ZBTB16: variants seen among roughly 807,000 people sequenced by gnomAD.
The protein encoded by ZBTB16 is zinc finger and BTB domain containing 16, also known as zinc finger and BTB domain-containing protein 16.
In ZBTB16, 8 loss-of-function variants were observed where a neutral mutation model predicts 56.8. The ratio of observed to expected loss-of-function variants is 0.14; its 90% confidence interval spans 0.08 to 0.25. ZBTB16 has a LOEUF of 0.25. Among genes scored for constraint, ZBTB16 ranks in the 10% least tolerant of loss-of-function variants. The probability of loss-of-function intolerance (pLI) is 1.00; values close to 1 mark genes in which losing one functional copy is unlikely to be tolerated. For synonymous variants in ZBTB16, 363 were observed against 368.5 expected (o/e 0.98, Z 0.17); for missense variants, 625 against 903.0 (o/e 0.69, Z 3.95).
At chr11:114,176,421 C>T (rs1368067736) in intron 3 of ZBTB16, among the ~76,000 whole-genome samples, 3 of 152,300 alleles carry the variant, frequency 2.0e-5, no homozygotes, top group East Asian at 1.9e-4. Context: ...CCCTGGAACT[C>T]GGGTCAGTCT....
intron 3 of ZBTB16, among the ~76,000 whole-genome samples, chr11:114,164,485 G>A (rs760529788): frequency 3.3e-4 from 51 of 152,244 alleles, no homozygotes; most frequent in Middle Eastern, 3.4e-3. Flanking sequence ...TCCTTCCTAC[G>A]TTCTGGGTTG....
At chr11:114,128,537 C>T (rs1189443597) in intron 2 of ZBTB16, among the ~76,000 whole-genome samples, 5 of 152,082 alleles carry the variant, frequency 3.3e-5, no homozygotes, top group African/African-American at 7.2e-5. Context: ...GTAAAAACTG[C>T]GACTAGCTCC....
rs1156734147 is a variant in ZBTB16 at position 114,253,778 on chromosome 11, G to A, written c.*3223G>A. Among the ~76,000 whole-genome samples, 1 of 152,202 alleles carries A rather than the reference G, an allele frequency of 6.6e-6. No individual in the cohort carries two copies. The highest frequency in any genetic ancestry group is 2.4e-5 in the African/African-American group (1 of 41,452). On this transcript the variant is annotated 3_prime_UTR_variant, in exon 7 of 7. Transcript: ENST00000335953. ...AGTTCTAATGTTGCACGGCCTAGTGGCCAGGGGGCAAGCTAAGAGGCTGTC... is the reference window on the plus strand; with the variant it reads ...AGTTCTAATGTTGCACGGCCTAGTGACCAGGGGGCAAGCTAAGAGGCTGTC...
chr11:114,150,153 G>T (rs577508147), intron 2 of ZBTB16, among the ~76,000 whole-genome samples: 84 of 152,302 alleles, frequency 5.5e-4, no homozygotes, highest in African/African-American at 2.0e-3. Flanking sequence ...AGCCTGGAAT[G>T]TGGTACTTTT....
At chr11:114,149,958 A>T (rs1044422652) in intron 2 of ZBTB16, among the ~76,000 whole-genome samples, 1 of 152,194 alleles carries the variant, frequency 6.6e-6, no homozygotes, top group African/African-American at 2.4e-5. Flanking sequence ...AGCTTCTCAT[A>T]TGTCTGTTCT....
chr11:114,103,895 G>C (rs1417486834), intron 2 of ZBTB16, among the ~76,000 whole-genome samples: 1 of 152,114 alleles, frequency 6.6e-6, no homozygotes, highest in Non-Finnish European at 1.5e-5. Flanking sequence ...TGTGGGTTTG[G>C]AGCCTGGGGA....
intron 4 of ZBTB16, among the ~76,000 whole-genome samples, chr11:114,210,192 T>C (rs7129772): frequency 0.095 from 13,550 of 143,314 alleles, 1,186 homozygotes; most frequent in African/African-American, 0.23. Context: ...TGTGTGTGTG[T>C]GCGTGCGCGC....
At chr11:114,226,917 A>G (rs1205781218) in intron 4 of ZBTB16, among the ~76,000 whole-genome samples, 2 of 152,144 alleles carry the variant, frequency 1.3e-5, no homozygotes, top group Admixed American at 1.3e-4. Flanking sequence ...TCCCTCCCCA[A>G]ATAGCAAGAA....
rs192397784 is a variant in ZBTB16 at position 114,114,701 on chromosome 11, G to A, written c.1269-41636G>A. On this transcript the variant is annotated intron_variant, in intron 2 of 6. Coordinates refer to ENST00000335953, the MANE Select transcript of ZBTB16 (RefSeq NM_006006.6). ...TTTTTTCTTTTTTTTTTTTTTTGAGGCAGGGTCTCGCTCTGTCACCCAGGC... is the reference window on the plus strand; with the variant it reads ...TTTTTTCTTTTTTTTTTTTTTTGAGACAGGGTCTCGCTCTGTCACCCAGGC... Among the ~76,000 whole-genome samples, 670 of 149,292 alleles carry A rather than the reference G, an allele frequency of 4.5e-3. 8 individuals are homozygous for A. The highest frequency in any genetic ancestry group is 0.016 in the African/African-American group (630 of 40,504).
intron 2 of ZBTB16, among the ~76,000 whole-genome samples, chr11:114,131,673 C>T (rs532579435): frequency 6.6e-6 from 1 of 152,144 alleles, no homozygotes; most frequent in African/African-American, 2.4e-5. Context: ...AGCTCCCCCC[C>T]TTTTTTTCAT....
At chr11:114,192,826 C>A (rs893434128) in intron 4 of ZBTB16, among the ~76,000 whole-genome samples, 1 of 152,226 alleles carries the variant, frequency 6.6e-6, no homozygotes, top group African/African-American at 2.4e-5. Flanking sequence ...GAGTTCTAAT[C>A]TGGGGGAATG....
At chr11:114,156,077 G>T (rs375587944) in intron 2 of ZBTB16, among the ~76,000 whole-genome samples, 2 of 152,198 alleles carry the variant, frequency 1.3e-5, no homozygotes, top group African/African-American at 2.4e-5. Flanking sequence ...AATTGGATCT[G>T]ATTTTTTTTC....
intron 2 of ZBTB16, among the ~76,000 whole-genome samples, chr11:114,133,588 T>C (rs2134868599): frequency 6.6e-6 from 1 of 152,276 alleles, no homozygotes; most frequent in South Asian, 2.1e-4. Context: ...CTGGTAAGAT[T>C]TCCCTCTCAG....
chr11:114,191,848 T>C (rs1943501436), intron 4 of ZBTB16, among the ~76,000 whole-genome samples: 1 of 152,176 alleles, frequency 6.6e-6, no homozygotes, highest in South Asian at 2.1e-4. Flanking sequence ...GATGTGCATT[T>C]ATAGGGAAGG....
chr11:114,241,568 C>T (rs1335067392), intron 4 of ZBTB16, among the ~76,000 whole-genome samples: 1 of 152,198 alleles, frequency 6.6e-6, no homozygotes. Context: ...CATCCCCCAA[C>T]CATACGTGGA....
intron 4 of ZBTB16, among the ~76,000 whole-genome samples, chr11:114,217,905 C>G (rs965308122): frequency 2.0e-5 from 3 of 152,142 alleles, no homozygotes; most frequent in African/African-American, 7.2e-5. Context: ...GGCGGATTCT[C>G]AAGGTATGGC....
At chr11:114,167,566 A>G (rs1414975714) in intron 3 of ZBTB16, among the ~76,000 whole-genome samples, 1 of 151,868 alleles carries the variant, frequency 6.6e-6, no homozygotes, top group African/African-American at 2.4e-5. Context: ...TAGTAAAGCA[A>G]CCACAATGCA....
intron 2 of ZBTB16, among the ~76,000 whole-genome samples, chr11:114,066,795 G>A (rs1020496152): frequency 2.5e-5 from 3 of 121,338 alleles, no homozygotes; most frequent in Non-Finnish European, 4.8e-5. Flanking sequence ...TTTTTGAGAC[G>A]GAGTCTCGCT....
At chr11:114,116,492 G>A (rs1165357927) in intron 2 of ZBTB16, among the ~76,000 whole-genome samples, 1 of 152,212 alleles carries the variant, frequency 6.6e-6, no homozygotes, top group Non-Finnish European at 1.5e-5. Context: ...ACCTCTCAGG[G>A]CCTCCTAAGT....
Sources: gnomAD v4.1 joint callset for allele counts (sites outside exome capture counted in the v4.1 genomes callset) on GRCh38, gnomAD v4.1.1 for gene constraint, MANE v1.5 for transcripts, NCBI Gene and HGNC (gene_info 2026-07-23, HGNC 2026-07-21) for gene names.